The following FAM78B variants were observed in gnomAD, a reference collection of about 807,000 sequenced individuals.
FAM78B encodes the protein family with sequence similarity 78 member B.
A neutral mutation model predicts 20.0 loss-of-function variants in FAM78B; 10 were observed. The observed-to-expected ratio is 0.50, with a 90% CI of 0.31 to 0.85. FAM78B has a LOEUF of 0.85. FAM78B is among the 40% of genes least tolerant of loss of function. FAM78B has a pLI of 0.05. For missense variants in FAM78B, 283 were observed against 345.0 expected, an observed-to-expected ratio of 0.82 and a Z score of 1.42; for synonymous variants, 135 against 132.8, an observed-to-expected ratio of 1.02 and a Z score of -0.12.
intron 1 of FAM78B, among the ~76,000 whole-genome samples, chr1:166,101,741 C>T (rs1177617243): frequency 2.0e-5 from 3 of 152,046 alleles, no homozygotes; most frequent in Non-Finnish European, 4.4e-5. Context: ...GATTGGTGTA[C>T]CTGAAAGTGA....
At chr1:166,141,769 T>C (rs1429158340) in intron 1 of FAM78B, among the ~76,000 whole-genome samples, 1 of 152,214 alleles carries the variant, frequency 6.6e-6, no homozygotes, top group Non-Finnish European at 1.5e-5. Context: ...ACAGCTTGTG[T>C]TGGCTTTTGC....
At chr1:166,124,115 T>C (rs1654558900) in intron 1 of FAM78B, among the ~76,000 whole-genome samples, 1 of 152,130 alleles carries the variant, frequency 6.6e-6, no homozygotes, top group African/African-American at 2.4e-5. Context: ...AAAACCAATC[T>C]CCTTGTAGTT....
intron 1 of FAM78B, among the ~76,000 whole-genome samples, chr1:166,112,933 C>T (rs780955898): frequency 9.2e-5 from 14 of 152,124 alleles, no homozygotes; most frequent in Non-Finnish European, 1.3e-4. Flanking sequence ...ACACTCATGT[C>T]TATATTATTG....
chr1:166,134,263 T>C (rs1571193550), intron 1 of FAM78B, among the ~76,000 whole-genome samples: 1 of 142,054 alleles, frequency 7.0e-6, no homozygotes. Flanking sequence ...GCATATAATA[T>C]TTATTTACTG....
intron 1 of FAM78B, among the ~76,000 whole-genome samples, chr1:166,148,700 C>T (rs1183945567): frequency 6.6e-6 from 1 of 152,238 alleles, no homozygotes; most frequent in Admixed American, 6.5e-5. Context: ...ACAACCTGTG[C>T]TGTCACTTTG....
chr1:166,077,026 C>T (rs1410954627), intron 1 of FAM78B, among the ~76,000 whole-genome samples: 1 of 152,056 alleles, frequency 6.6e-6, no homozygotes, highest in East Asian at 1.9e-4. Context: ...AACTAATTTC[C>T]AAAGTTGAGA....
intron 1 of FAM78B, among the ~76,000 whole-genome samples, chr1:166,086,419 G>GT (rs1652832149): frequency 6.6e-6 from 1 of 152,148 alleles, no homozygotes; most frequent in South Asian, 2.1e-4. Flanking sequence ...GCTGGGCAGG[G>GT]TAAGGGTGGG....
At chr1:166,091,491 C>T (rs1029891362) in intron 1 of FAM78B, among the ~76,000 whole-genome samples, 2 of 152,204 alleles carry the variant, frequency 1.3e-5, no homozygotes, top group Non-Finnish European at 2.9e-5. Context: ...TTAGCTGCTC[C>T]TTGCCTTCCA....
At chr1:166,119,365 A>G (rs555555268) in intron 1 of FAM78B, among the ~76,000 whole-genome samples, 1 of 152,322 alleles carries the variant, frequency 6.6e-6, no homozygotes, top group Middle Eastern at 3.4e-3. Flanking sequence ...CCTGATATTT[A>G]CCTTTCTTTG....
intron 1 of FAM78B, among the ~76,000 whole-genome samples, chr1:166,150,124 T>C (rs1162513970): frequency 1.3e-5 from 2 of 152,150 alleles, no homozygotes; most frequent in African/African-American, 4.8e-5. Context: ...TTGTGATGTC[T>C]GAGGAATGCA....
intron 1 of FAM78B, among the ~76,000 whole-genome samples, chr1:166,087,886 C>T (rs536884726): frequency 2.0e-5 from 3 of 152,258 alleles, no homozygotes; most frequent in South Asian, 2.1e-4. Flanking sequence ...AGGCATAAGC[C>T]GTAAGTAAAT....
intron 1 of FAM78B, among the ~76,000 whole-genome samples, chr1:166,083,155 A>T (rs1237897478): frequency 6.6e-6 from 1 of 152,220 alleles, no homozygotes; most frequent in Non-Finnish European, 1.5e-5. Context: ...TTAACCTGAG[A>T]AAAGACATTA....
At chr1:166,081,058 A>G (rs1407556446) in intron 1 of FAM78B, 1 of 151,954 alleles carries the variant, frequency 6.6e-6, no homozygotes, top group Non-Finnish European at 1.5e-5. Context: ...TTTATATCAG[A>G]CTCCAAGCAG....
intron 1 of FAM78B, chr1:166,081,307 C>T (rs1341794028): frequency 1.3e-5 from 2 of 152,220 alleles, no homozygotes; most frequent in Non-Finnish European, 2.9e-5. Flanking sequence ...ACCTTCACCA[C>T]GTGGAGGTCA....
chr1:166,069,819 T>G lies in FAM78B; in HGVS notation c.*422A>C, dbSNP rs1227355623. On this transcript the variant is annotated 3_prime_UTR_variant, in exon 2 of 2. Coordinates refer to ENST00000354422, the MANE Select transcript of FAM78B (RefSeq NM_001017961.5). ...GCACCCTCCAGTCAGACAGCAGGAGTCTGTCTTACGACCACCTGGTGTGGA... is the reference window on the plus strand; with the variant it reads ...GCACCCTCCAGTCAGACAGCAGGAGGCTGTCTTACGACCACCTGGTGTGGA... 1.8e-5 allele frequency: 4 copies of G among 219,574 alleles called. No individual in the cohort carries two copies. The highest frequency in any genetic ancestry group is 9.4e-5 in the African/African-American group (4 of 42,684). The allele number at this position is 219,574 out of a possible 1,614,324, so 13.6% of individuals were successfully genotyped here.
chr1:166,070,507 C>G lies in FAM78B; in HGVS notation c.520G>C (p.Val174Leu), dbSNP rs777295242. 1 of 1,614,166 alleles carries G rather than the reference C, an allele frequency of 6.2e-7. No individual in the cohort carries two copies. Among genetic ancestry groups the G allele is most frequent in the Admixed American group, 1.7e-5 (1 of 60,028 alleles). ...KRDQSFTTWL[V>L]AMNTTTKEKI... ...TCCTTTGTGGTGGTGTTCATGGCCACCAGCCAGGTCGTGAAACTTTGGTCT... is the reference window on the plus strand; with the variant it reads ...TCCTTTGTGGTGGTGTTCATGGCCAGCAGCCAGGTCGTGAAACTTTGGTCT... The change falls in exon 2 of 2, where the codon GTG (valine) becomes CTG (leucine). Residue 174 changes from valine to leucine, a missense_variant. Transcript: ENST00000354422.
chr1:166,057,723 G>A (rs1322710788), exon 3 of FAM78B: 1 of 152,160 alleles, frequency 6.6e-6, no homozygotes, highest in African/African-American at 2.4e-5. Flanking sequence ...ATTCCAAGGA[G>A]GAAATGGTAA....
chr1:166,143,879 C>T (rs1264740064), intron 1 of FAM78B, among the ~76,000 whole-genome samples: 1 of 152,124 alleles, frequency 6.6e-6, no homozygotes, highest in Non-Finnish European at 1.5e-5. Context: ...TAGTCTTTAC[C>T]CAAACCCTAT....
intron 1 of FAM78B, among the ~76,000 whole-genome samples, chr1:166,134,428 G>T (rs1654996060): frequency 6.6e-6 from 1 of 152,024 alleles, no homozygotes. Context: ...CCATCTTATG[G>T]TTGGGCTGAG....
Sources: gnomAD v4.1 joint callset for allele counts (sites outside exome capture counted in the v4.1 genomes callset) on GRCh38, gnomAD v4.1.1 for gene constraint, MANE v1.5 for transcripts, NCBI Gene and HGNC (gene_info 2026-07-23, HGNC 2026-07-21) for gene names.